The following MATN2 variants were observed in gnomAD, a reference collection of about 807,000 sequenced individuals.
The protein encoded by MATN2 is matrilin 2.
Under a neutral mutation model 103.2 loss-of-function variants are expected in MATN2, and 69 were observed. The ratio of observed to expected loss-of-function variants is 0.67; its 90% CI spans 0.55 to 0.82. The LOEUF (loss-of-function observed/expected upper bound fraction) is 0.82. Ranked by LOEUF, MATN2 falls within the 40% of genes least tolerant of loss-of-function variation. The pLI is 0.00. For synonymous variants in MATN2, 429 were observed against 450.2 expected (o/e 0.95, Z 0.60); for missense variants, 1,023 against 1,211.5 (o/e 0.84, Z 2.31).
chr8:97,918,167 T>G (rs1809694848), intron 2 of MATN2, among the ~76,000 whole-genome samples: 1 of 152,256 alleles, frequency 6.6e-6, no homozygotes, highest in Non-Finnish European at 1.5e-5. Flanking sequence ...CCGTTCAGTG[T>G]GATCTGGAGT....
At chr8:98,016,777 G>A in intron 11 of MATN2, 115 bp downstream of exon 11, 1 of 1,241,160 alleles carries the variant, frequency 8.1e-7, no homozygotes, top group Non-Finnish European at 1.2e-6. Context: ...ACAGCAAAAT[G>A]TAATGTAGTG....
chr8:98,022,094 C>A (rs1043095401), intron 13 of MATN2, among the ~76,000 whole-genome samples: 1 of 152,118 alleles, frequency 6.6e-6, no homozygotes, highest in African/African-American at 2.4e-5. Context: ...AAACTGGAAA[C>A]AAGCTAAATG....
At chr8:97,871,181 G>A (rs916200496) in intron 1 of MATN2, among the ~76,000 whole-genome samples, 1 of 152,196 alleles carries the variant, frequency 6.6e-6, no homozygotes, top group African/African-American at 2.4e-5. Context: ...TGTGGCCTGA[G>A]ATTTAAAGAA....
intron 2 of MATN2, among the ~76,000 whole-genome samples, chr8:97,910,050 T>C (rs907420554): frequency 4.0e-5 from 6 of 151,346 alleles, no homozygotes; most frequent in Non-Finnish European, 8.8e-5. Context: ...CCCAAAGTGC[T>C]GGGATTACAG....
At chr8:98,008,554 T>G (rs1586151904) in intron 10 of MATN2, among the ~76,000 whole-genome samples, 1 of 152,182 alleles carries the variant, frequency 6.6e-6, no homozygotes, top group Admixed American at 6.5e-5. Flanking sequence ...ATGCTGCCTG[T>G]GAGAAAATAT....
chr8:97,932,809 T>C (rs1456862203), intron 3 of MATN2, among the ~76,000 whole-genome samples: 2 of 152,240 alleles, frequency 1.3e-5, no homozygotes, highest in Non-Finnish European at 2.9e-5. Flanking sequence ...CATGAATCTT[T>C]GGTGGGGAAA....
At chr8:97,887,102 G>A (rs1345144467) in intron 1 of MATN2, among the ~76,000 whole-genome samples, 2 of 152,050 alleles carry the variant, frequency 1.3e-5, no homozygotes, top group African/African-American at 4.8e-5. Flanking sequence ...GTGTTGGCCA[G>A]GCTGGTCTCA....
At chr8:97,908,161 G>T (rs1377556500) in intron 2 of MATN2, among the ~76,000 whole-genome samples, 1 of 152,138 alleles carries the variant, frequency 6.6e-6, no homozygotes, top group Non-Finnish European at 1.5e-5. Context: ...GTTGGCTGAG[G>T]CAGGAGAATC....
At chr8:98,024,791 CAACTT>C (rs1435295601) in intron 13 of MATN2, 4 of 152,190 alleles carry the variant, frequency 2.6e-5, no homozygotes, top group African/African-American at 7.2e-5. Context: ...CCAGTCTTAT[CAACTT>C]AACTACCAAA....
chr8:97,976,760 GTC>G (rs1811850603), intron 5 of MATN2, among the ~76,000 whole-genome samples: 1 of 151,240 alleles, frequency 6.6e-6, no homozygotes, highest in African/African-American at 2.4e-5. Flanking sequence ...TTGAGACAGG[GTC>G]TTGCTCTGTC....
chr8:98,010,086 G>A (rs1169757736), intron 10 of MATN2, among the ~76,000 whole-genome samples: 1 of 152,162 alleles, frequency 6.6e-6, no homozygotes, highest in Non-Finnish European at 1.5e-5. Flanking sequence ...GCAGAGTGCA[G>A]AACCCCCTCT....
At chr8:97,981,395 C>T (rs1341320776) in intron 6 of MATN2, among the ~76,000 whole-genome samples, 1 of 151,270 alleles carries the variant, frequency 6.6e-6, no homozygotes. Context: ...TCATGAGCCA[C>T]CACACCTGGC....
At chr8:98,002,488 A>T (rs1249524062) in intron 7 of MATN2, among the ~76,000 whole-genome samples, 2 of 152,258 alleles carry the variant, frequency 1.3e-5, no homozygotes, top group African/African-American at 4.8e-5. Context: ...CACTGTAGAC[A>T]GAAGCTCTCT....
chr8:97,997,301 TA>T (rs1812619735), intron 7 of MATN2, among the ~76,000 whole-genome samples: 1 of 152,206 alleles, frequency 6.6e-6, no homozygotes. Flanking sequence ...TCATATTGGT[TA>T]TGTGACCCTG....
intron 6 of MATN2, among the ~76,000 whole-genome samples, chr8:97,984,583 T>A (rs895953214): frequency 2.0e-5 from 3 of 152,234 alleles, no homozygotes; most frequent in African/African-American, 7.2e-5. Flanking sequence ...TTTAAACAGC[T>A]TGCTGGGAAG....
At chr8:97,874,876 C>A (rs1220761749) in intron 1 of MATN2, among the ~76,000 whole-genome samples, 2 of 151,990 alleles carry the variant, frequency 1.3e-5, no homozygotes, top group Non-Finnish European at 2.9e-5. Flanking sequence ...AGCCACCATG[C>A]CTGGCTAATT....
intron 2 of MATN2, among the ~76,000 whole-genome samples, chr8:97,901,304 G>A (rs894786039): frequency 1.3e-5 from 2 of 151,872 alleles, no homozygotes; most frequent in African/African-American, 4.8e-5. Context: ...CTGGGCTGGA[G>A]TGCAGTGGTG....
At chr8:97,928,248 G>A (rs11996155) in intron 2 of MATN2, among the ~76,000 whole-genome samples, 89,694 of 136,016 alleles carry the variant, frequency 0.66, 30,304 homozygotes, top group East Asian at 0.92. Flanking sequence ...TTTTTCTGAG[G>A]TGGAGTCTTG....
intron 2 of MATN2, among the ~76,000 whole-genome samples, chr8:97,889,909 A>G (rs1419395417): frequency 6.6e-6 from 1 of 151,978 alleles, no homozygotes; most frequent in Non-Finnish European, 1.5e-5. Context: ...CACACAGACC[A>G]CATCACCCCC....
Sources: gnomAD v4.1 joint callset for allele counts (sites outside exome capture counted in the v4.1 genomes callset) on GRCh38, gnomAD v4.1.1 for gene constraint, MANE v1.5 for transcripts, NCBI Gene and HGNC (gene_info 2026-07-23, HGNC 2026-07-21) for gene names.